The following GABRB1 variants were observed in gnomAD, a reference collection of about 807,000 sequenced individuals.
GABRB1 encodes the protein gamma-aminobutyric acid receptor subunit beta-1.
In GABRB1, 17 loss-of-function variants were observed where a neutral mutation model predicts 51.6. That is an observed-to-expected ratio of 0.33 (90% confidence interval 0.23 to 0.49). The LOEUF (loss-of-function observed/expected upper bound fraction) is 0.49, where lower values mean the gene tolerates loss of function less well. GABRB1 is among the 20% of genes least tolerant of loss of function. GABRB1 has a pLI of 0.99. For synonymous variants in GABRB1, 247 were observed against 218.9 expected, an observed-to-expected ratio of 1.13 and a Z score of -1.14; for missense variants, 410 against 600.6, an observed-to-expected ratio of 0.68 and a Z score of 3.32.
At chr4:47,243,366 G>A (rs962758174) in intron 4 of GABRB1, among the ~76,000 whole-genome samples, 19 of 152,202 alleles carry the variant, frequency 1.2e-4, no homozygotes, top group Non-Finnish European at 1.6e-4. Flanking sequence ...ACTTGGTGAT[G>A]CGGGCTCTTT....
intron 3 of GABRB1, among the ~76,000 whole-genome samples, chr4:47,103,787 G>T (rs879766019): frequency 6.6e-6 from 1 of 151,620 alleles, no homozygotes; most frequent in Non-Finnish European, 1.5e-5. Flanking sequence ...CATATAACAC[G>T]TTACAGAAAA....
At chr4:47,196,759 TA>T (rs1719701312) in intron 4 of GABRB1, among the ~76,000 whole-genome samples, 1 of 152,250 alleles carries the variant, frequency 6.6e-6, no homozygotes, top group South Asian at 2.1e-4. Context: ...AATGTTTTAT[TA>T]AAATAAAAAT....
At chr4:47,341,859 A>G (rs892857393) in intron 5 of GABRB1, among the ~76,000 whole-genome samples, 3 of 152,214 alleles carry the variant, frequency 2.0e-5, no homozygotes, top group Non-Finnish European at 4.4e-5. Context: ...TGAGTAGTTT[A>G]TTAAGTCACA....
chr4:47,063,231 C>G (rs1458797763), intron 3 of GABRB1, among the ~76,000 whole-genome samples: 2 of 152,066 alleles, frequency 1.3e-5, no homozygotes, highest in African/African-American at 4.8e-5. Context: ...AGGTCAGAAC[C>G]TAACAAGGGC....
intron 4 of GABRB1, among the ~76,000 whole-genome samples, chr4:47,300,547 G>C (rs1724219159): frequency 6.6e-6 from 1 of 151,952 alleles, no homozygotes; most frequent in Non-Finnish European, 1.5e-5. Flanking sequence ...AATCAATCAA[G>C]ACACAGCCCC....
upstream of GABRB1, among the ~76,000 whole-genome samples, chr4:47,029,698 T>A (rs999902780): frequency 2.0e-5 from 3 of 152,176 alleles, no homozygotes; most frequent in South Asian, 6.2e-4. Context: ...AAGTTACGTA[T>A]CTACCTGTAA....
At chr4:47,232,914 A>C (rs577668161) in intron 4 of GABRB1, among the ~76,000 whole-genome samples, 1 of 144,130 alleles carries the variant, frequency 6.9e-6, no homozygotes, top group Non-Finnish European at 1.5e-5. Context: ...TCACTCTGTC[A>C]CCCAGGCTGG....
At chr4:47,349,391 A>G (rs1219224878) in intron 5 of GABRB1, among the ~76,000 whole-genome samples, 1 of 152,190 alleles carries the variant, frequency 6.6e-6, no homozygotes, top group Non-Finnish European at 1.5e-5. Context: ...ACAGAGGCCA[A>G]GGAAAGAAAG....
rs140737944 is a variant in GABRB1 at position 47,377,228 on chromosome 4, C to CCA, written c.545-26088_545-26087dup. On this transcript the variant is annotated intron_variant, in intron 5 of 8. Transcript: ENST00000295454. ...GCACAATATCCGCTCACTGCAACCT[C>CCA]CACCTCCTGGGTTCAAGTGATTCTC... Among the ~76,000 whole-genome samples, 191 of 152,282 alleles carry CCA rather than the reference C, an allele frequency of 1.3e-3. 1 individual carries two copies. Among genetic ancestry groups the CCA allele is most frequent in the African/African-American group, 4.5e-3 (185 of 41,544 alleles).
At chr4:47,117,183 T>C in intron 3 of GABRB1, among the ~76,000 whole-genome samples, 1 of 152,238 alleles carries the variant, frequency 6.6e-6, no homozygotes, top group East Asian at 1.9e-4. Context: ...TAAAGATTTT[T>C]ATCTTTTTAT....
chr4:47,120,339 G>GA (rs1715721138), intron 3 of GABRB1, among the ~76,000 whole-genome samples: 1 of 152,132 alleles, frequency 6.6e-6, no homozygotes, highest in South Asian at 2.1e-4. Flanking sequence ...TTTCCAGACA[G>GA]AAAATCAACA....
intron 5 of GABRB1, among the ~76,000 whole-genome samples, chr4:47,399,031 C>T: frequency 6.6e-6 from 1 of 152,180 alleles, no homozygotes; most frequent in Non-Finnish European, 1.5e-5. Context: ...ACCTCGTGAT[C>T]CGCCCACCTT....
intron 3 of GABRB1, among the ~76,000 whole-genome samples, chr4:47,123,310 T>C (rs1715871871): frequency 1.5e-5 from 2 of 133,714 alleles, no homozygotes; most frequent in South Asian, 2.2e-4. Flanking sequence ...ATATGTATTA[T>C]ATAATATTAT....
At chr4:47,240,033 G>A (rs55807683) in intron 4 of GABRB1, among the ~76,000 whole-genome samples, 33,244 of 152,076 alleles carry the variant, frequency 0.22, 3,877 homozygotes, top group African/African-American at 0.29. Context: ...GGATTTACAT[G>A]AATTTATTCT....
chr4:47,350,216 T>TGGAGAG (rs1726267838), intron 5 of GABRB1, among the ~76,000 whole-genome samples: 2 of 73,792 alleles, frequency 2.7e-5, no homozygotes, highest in Non-Finnish European at 4.8e-5. Flanking sequence ...TATATATATA[T>TGGAGAG]ATAGAGAGAG....
At chr4:47,370,784 C>T (rs1373759099) in intron 5 of GABRB1, among the ~76,000 whole-genome samples, 1 of 152,180 alleles carries the variant, frequency 6.6e-6, no homozygotes, top group Non-Finnish European at 1.5e-5. Flanking sequence ...TTGGACTTGA[C>T]ATCCCAAGGA....
intron 4 of GABRB1, among the ~76,000 whole-genome samples, chr4:47,168,223 A>T (rs1718281168): frequency 6.6e-6 from 1 of 152,132 alleles, no homozygotes; most frequent in Non-Finnish European, 1.5e-5. Flanking sequence ...TGTCATCTTT[A>T]CTGCAACACT....
At chr4:47,045,617 G>T (rs887050136) in intron 3 of GABRB1, among the ~76,000 whole-genome samples, 7 of 151,846 alleles carry the variant, frequency 4.6e-5, no homozygotes, top group Non-Finnish European at 1.0e-4. Flanking sequence ...TCTGTTGAGG[G>T]GCTACTGCTT....
At chr4:47,239,380 T>C (rs561714035) in intron 4 of GABRB1, among the ~76,000 whole-genome samples, 2 of 152,322 alleles carry the variant, frequency 1.3e-5, no homozygotes, top group South Asian at 4.1e-4. Flanking sequence ...TGAACTTCTT[T>C]GGGTTATTTC....
Sources: allele counts gnomAD v4.1 joint callset (sites outside exome capture counted in the v4.1 genomes callset), GRCh38; gene constraint gnomAD v4.1.1; transcripts MANE v1.5; gene names NCBI Gene and HGNC (gene_info 2026-07-23, HGNC 2026-07-21).